The following CATSPERB variants were observed in gnomAD, a reference collection of about 807,000 sequenced individuals.
CATSPERB encodes the protein cation channel sperm-associated auxiliary subunit beta.
CATSPERB carries 93 observed loss-of-function variants against 128.3 expected under a neutral mutation model. The ratio of observed to expected loss-of-function variants is 0.72; its 90% confidence interval spans 0.61 to 0.86. The LOEUF (loss-of-function observed/expected upper bound fraction) is 0.86. Among genes scored for constraint, CATSPERB ranks in the 40% least tolerant of loss-of-function variants. CATSPERB has a pLI of 0.00. For synonymous variants in CATSPERB, 381 were observed against 448.8 expected (o/e 0.85, Z 1.91); for missense variants, 1,153 against 1,329.5 (o/e 0.87, Z 2.06).
intron 10 of CATSPERB, among the ~76,000 whole-genome samples, chr14:91,687,286 T>C (rs1156524482): frequency 3.3e-5 from 5 of 152,200 alleles, no homozygotes; most frequent in African/African-American, 1.2e-4. Context: ...TTGAAAATGC[T>C]CATTTCCCTT....
At chr14:91,628,317 T>C (rs921452716) in intron 17 of CATSPERB, among the ~76,000 whole-genome samples, 2 of 152,180 alleles carry the variant, frequency 1.3e-5, no homozygotes, top group African/African-American at 4.8e-5. Context: ...TCTCTAATAA[T>C]ATAACAATAA....
chr14:91,657,464 G>A (rs1009315125), intron 15 of CATSPERB, among the ~76,000 whole-genome samples: 4 of 152,028 alleles, frequency 2.6e-5, no homozygotes, highest in Admixed American at 2.6e-4. Context: ...TCTAGGCAAA[G>A]ATTTCTTAAG....
intron 21 of CATSPERB, 48 bp downstream of exon 21, chr14:91,610,432 C>A: frequency 6.6e-7 from 1 of 1,506,976 alleles, no homozygotes; most frequent in South Asian, 1.2e-5. Context: ...ACACAAAAGT[C>A]ACATAGCATT....
At chr14:91,675,140 G>A (rs954655686) in intron 11 of CATSPERB, among the ~76,000 whole-genome samples, 3 of 152,230 alleles carry the variant, frequency 2.0e-5, no homozygotes, top group Non-Finnish European at 4.4e-5. Context: ...GGTCTAGTCT[G>A]TCAACCTGGT....
intron 10 of CATSPERB, among the ~76,000 whole-genome samples, chr14:91,691,068 T>A (rs1895461891): frequency 6.6e-6 from 1 of 152,154 alleles, no homozygotes; most frequent in Non-Finnish European, 1.5e-5. Flanking sequence ...GTGACTAGAT[T>A]ATATGACATT....
At chr14:91,612,898 C>T (rs182986744) in intron 20 of CATSPERB, among the ~76,000 whole-genome samples, 25 of 152,208 alleles carry the variant, frequency 1.6e-4, no homozygotes, top group African/African-American at 5.8e-4. Flanking sequence ...CCAATTTCTA[C>T]AATTCAATGG....
chr14:91,592,310 G>T, intron 22 of CATSPERB: 1 of 363,170 alleles, frequency 2.8e-6, no homozygotes, highest in South Asian at 2.9e-5. Flanking sequence ...CAAACTAACT[G>T]CTCTTGGCCC....
intron 13 of CATSPERB, among the ~76,000 whole-genome samples, chr14:91,670,892 A>T (rs1271346958): frequency 6.6e-6 from 1 of 151,842 alleles, no homozygotes; most frequent in African/African-American, 2.4e-5. Context: ...AATTTCTGTT[A>T]CTTGGGAGGC....
At chr14:91,692,955 C>G (rs1566732957) in intron 9 of CATSPERB, among the ~76,000 whole-genome samples, 171 bp downstream of exon 9, 1 of 152,146 alleles carries the variant, frequency 6.6e-6, no homozygotes, top group Admixed American at 6.5e-5. Flanking sequence ...ATTATATATT[C>G]AATACTACGA....
At chr14:91,671,347 G>T (rs1239648808) in intron 13 of CATSPERB, among the ~76,000 whole-genome samples, 1 of 152,108 alleles carries the variant, frequency 6.6e-6, no homozygotes, top group East Asian at 1.9e-4. Flanking sequence ...GCCAACGTGG[G>T]TGGATCACTT....
At chr14:91,612,012 TTTTC>T (rs71120177) in intron 20 of CATSPERB, among the ~76,000 whole-genome samples, 2,578 of 133,008 alleles carry the variant, frequency 0.019, 32 homozygotes, top group Middle Eastern at 0.04. Context: ...TTGTTTACTG[TTTTC>T]TTTCTTTCTT....
intron 18 of CATSPERB, among the ~76,000 whole-genome samples, 175 bp from the exon 19 acceptor site, chr14:91,622,112 T>C (rs112559647): frequency 6.6e-6 from 1 of 152,318 alleles, no homozygotes; most frequent in Non-Finnish European, 1.5e-5. Context: ...AAGTTTATCA[T>C]AAATAGACCA....
intron 2 of CATSPERB, among the ~76,000 whole-genome samples, chr14:91,728,469 C>T (rs1209440659): frequency 1.3e-5 from 2 of 152,130 alleles, no homozygotes; most frequent in African/African-American, 2.4e-5. Flanking sequence ...GTCCTCTGCA[C>T]TTTGGTATCA....
chr14:91,685,849 A>C (rs1434389932), intron 10 of CATSPERB, among the ~76,000 whole-genome samples: 2 of 152,194 alleles, frequency 1.3e-5, no homozygotes, highest in Non-Finnish European at 2.9e-5. Flanking sequence ...GGCTGCAGGT[A>C]GAGGCAGGCA....
intron 17 of CATSPERB, among the ~76,000 whole-genome samples, chr14:91,627,182 T>A (rs1894179757): frequency 6.6e-6 from 1 of 152,346 alleles, no homozygotes; most frequent in Admixed American, 6.5e-5. Flanking sequence ...ATGGTTTGCA[T>A]GTATCTCTCA....
intron 18 of CATSPERB, among the ~76,000 whole-genome samples, chr14:91,623,391 A>G (rs1894092337): frequency 6.6e-6 from 1 of 152,168 alleles, no homozygotes; most frequent in East Asian, 1.9e-4. Flanking sequence ...ATCTCCCTGA[A>G]CACTAGATAT....
chr14:91,722,592 C>A (rs765518359), intron 4 of CATSPERB, among the ~76,000 whole-genome samples: 5 of 152,044 alleles, frequency 3.3e-5, no homozygotes, highest in Admixed American at 2.0e-4. Context: ...GTGATGGTTG[C>A]ACAACTCTAT....
In CATSPERB at chr14:91,587,234, CT is replaced by C. The variant is rs754622880; in HGVS notation, c.3099del (p.Val1034Ter). 6.2e-7 allele frequency: 1 copy of C among 1,606,338 alleles called. No individual in the cohort carries two copies. The highest frequency in any genetic ancestry group is 8.5e-7 in the Non-Finnish European group (1 of 1,177,010). Reference sequence around the variant, plus strand: ...TCTTCAATTAAGTTACAAAAAGTTACTCCTGAAATGACGGTCACTCTAAAGT... The same window carrying C: ...TCTTCAATTAAGTTACAAAAAGTTACCCTGAAATGACGGTCACTCTAAAGT... ...LFHFRVTVIS[G>X]VTFCNLIEEF... On this transcript the variant is annotated frameshift_variant, in exon 26 of 27. Coordinates refer to ENST00000256343, the MANE Select transcript of CATSPERB (RefSeq NM_024764.4). LOFTEE classifies it low-confidence loss of function (END_TRUNC).
intron 20 of CATSPERB, among the ~76,000 whole-genome samples, chr14:91,612,574 G>A (rs925661281): frequency 6.6e-6 from 1 of 152,008 alleles, no homozygotes; most frequent in African/African-American, 2.4e-5. Flanking sequence ...CTTGATCTTT[G>A]AACAATATTA....
Sources: allele counts gnomAD v4.1 joint callset (sites outside exome capture counted in the v4.1 genomes callset), GRCh38; gene constraint gnomAD v4.1.1; transcripts MANE v1.5; gene names NCBI Gene and HGNC (gene_info 2026-07-23, HGNC 2026-07-21).